The following FAM53A variants were observed in gnomAD, a reference collection of about 807,000 sequenced individuals.
FAM53A encodes the protein family with sequence similarity 53 member A, also known as protein FAM53A.
FAM53A carries 28 observed loss-of-function variants against 26.6 expected under a neutral mutation model. The observed-to-expected ratio is 1.05, with a 90% CI of 0.78 to 1.45. The LOEUF (loss-of-function observed/expected upper bound fraction) is 1.45, where lower values mean the gene tolerates loss of function less well. FAM53A is among the 40% of genes most tolerant of loss of function. The probability of loss-of-function intolerance (pLI) is 0.00; values close to 1 mark genes in which losing one functional copy is unlikely to be tolerated. For missense variants in FAM53A, 650 were observed against 575.8 expected (o/e 1.13, Z -1.32); for synonymous variants, 290 against 253.1 (o/e 1.15, Z -1.38).
chr4:1,578,695 G>A, the FAM53A span, among the ~76,000 whole-genome samples: 3 of 148,088 alleles, frequency 2.0e-5, no homozygotes, highest in South Asian at 2.2e-4. Flanking sequence ...AACGAGGCTC[G>A]GAGGAGGCAA....
At chr4:1,666,368 C>T (rs1313221117) in intron 2 of FAM53A, among the ~76,000 whole-genome samples, 2 of 146,054 alleles carry the variant, frequency 1.4e-5, no homozygotes, top group African/African-American at 5.1e-5. Flanking sequence ...TAAAATAAAA[C>T]CTGCACCTGC....
In FAM53A at chr4:1,655,034, G is replaced by A. The variant is rs762709666; in HGVS notation, c.826C>T (p.Arg276Cys). ...CGTGTCCACCTGGCGTCCTCCTCACGCCTCCGTTTGCGCCGGCTCCTCTTC... is the reference window on the plus strand; with the variant it reads ...CGTGTCCACCTGGCGTCCTCCTCACACCTCCGTTTGCGCCGGCTCCTCTTC... ...SGKRSRRKRR[R>C]EEDARWTRPS... Residue 276 changes from arginine (R) to cysteine (C), a missense_variant, in exon 4 of 5, where the codon CGT (arginine) becomes TGT (cysteine). Coordinates refer to ENST00000308132, the MANE Select transcript of FAM53A (RefSeq NM_001174070.3). The A allele has an allele frequency of 2.0e-4, 322 of 1,577,238 alleles. No individual in the cohort carries two copies. The highest frequency in any genetic ancestry group is 2.7e-4 in the Non-Finnish European group (315 of 1,161,756).
intron 4 of FAM53A, among the ~76,000 whole-genome samples, chr4:1,653,066 G>C (rs770100601): frequency 7.0e-6 from 1 of 143,670 alleles, no homozygotes; most frequent in Non-Finnish European, 1.5e-5. Flanking sequence ...ACCCATAGAC[G>C]TCACATACAC....
chr4:1,590,707 TG>T, the FAM53A span, among the ~76,000 whole-genome samples: 3 of 151,840 alleles, frequency 2.0e-5, no homozygotes, highest in Non-Finnish European at 4.4e-5. Flanking sequence ...GGCCTGTTTT[TG>T]TGAATAATAA....
intron 1 of FAM53A, among the ~76,000 whole-genome samples, chr4:1,618,727 G>A (rs1714902359): frequency 6.6e-6 from 1 of 152,154 alleles, no homozygotes; most frequent in Non-Finnish European, 1.5e-5. Context: ...AAACGTGGCT[G>A]GAGGGATGGG....
At chr4:1,618,135 G>A (rs1714875988) in intron 1 of FAM53A, 1 of 456,214 alleles carries the variant, frequency 2.2e-6, no homozygotes, top group Admixed American at 2.3e-5. Context: ...AGAGGCAGGT[G>A]AGTGCTGCCT....
Position 1,641,307 on chromosome 4 carries a change from T to C in FAM53A, c.1183A>G (p.Ile395Val), listed in dbSNP as rs150651838. 2.5e-6 allele frequency: 4 copies of C among 1,612,956 alleles called. No homozygotes were observed. The African/African-American group carries it at 5.3e-5, about 21-fold the overall frequency. The change falls in exon 5 of 5, where the codon ATC (isoleucine) becomes GTC (valine). Residue 395 changes from isoleucine to valine, a missense_variant. Coordinates refer to ENST00000308132, the MANE Select transcript of FAM53A (RefSeq NM_001174070.3). Reference sequence around the variant, plus strand: ...CCCCACCAGCCTCAGTTGTTCTCGATCTGCTCCAGGTCCAGCTCCCAGCGG... The same window carrying C: ...CCCCACCAGCCTCAGTTGTTCTCGACCTGCTCCAGGTCCAGCTCCCAGCGG... ...RARWELDLEQ[I>V]ENN
At chr4:1,654,732 C>A (rs1373124864) in intron 4 of FAM53A, among the ~76,000 whole-genome samples, 3 of 152,242 alleles carry the variant, frequency 2.0e-5, no homozygotes, top group Non-Finnish European at 4.4e-5. Flanking sequence ...TGGCCGGCCA[C>A]CCTGGGCCGT....
chr4:1,633,983 G>T (rs1014951691), intron 1 of FAM53A, among the ~76,000 whole-genome samples: 8 of 152,164 alleles, frequency 5.3e-5, no homozygotes, highest in Admixed American at 2.0e-4. Context: ...CTGTGGCTGG[G>T]GGAGCGCCCG....
chr4:1,597,724 G>C, the FAM53A span, among the ~76,000 whole-genome samples: 2 of 152,228 alleles, frequency 1.3e-5, no homozygotes, highest in Non-Finnish European at 2.9e-5. Context: ...AGCCGGGCGC[G>C]GTGGCTCACG....
rs1277183928 is a variant in FAM53A, at chr4:1,639,950, C to T, written c.*1343G>A. The T allele has an allele frequency of 1.3e-5, 2 of 152,244 alleles. No homozygotes were observed. Among genetic ancestry groups the T allele is most frequent in the African/African-American group, 4.8e-5 (2 of 41,458 alleles). 9.4% of individuals were successfully genotyped at this position (152,244 alleles called of 1,614,324 possible). A position where few individuals can be genotyped will look rare whatever the true frequency, so the allele number is the denominator to read the frequency against. On this transcript the variant is annotated 3_prime_UTR_variant, in exon 5 of 5. Coordinates refer to ENST00000308132, the MANE Select transcript of FAM53A (RefSeq NM_001174070.3). ...TTATTAAAAGTGCAAGAATGAAAAA[C>T]AGGAAATCCCTTGCCTTGTCTGGTT...
intron 1 of FAM53A, among the ~76,000 whole-genome samples, chr4:1,619,016 G>A (rs1287851295): frequency 2.0e-5 from 3 of 152,194 alleles, no homozygotes; most frequent in East Asian, 1.9e-4. Context: ...AGGGGATGCC[G>A]CAGAGCGTCC....
chr4:1,637,625 G>A (rs1262527283), downstream of FAM53A, among the ~76,000 whole-genome samples: 2 of 147,936 alleles, frequency 1.4e-5, no homozygotes, highest in African/African-American at 4.9e-5. Flanking sequence ...AGGGCTGGGG[G>A]CAGCCCGGCA....
the FAM53A span, among the ~76,000 whole-genome samples, chr4:1,604,078 T>TGGTCCAGGCAG: frequency 6.6e-6 from 1 of 152,050 alleles, no homozygotes; most frequent in African/African-American, 2.4e-5. Flanking sequence ...CATCGCGGGG[T>TGGTCCAGGCAG]GGTCCAGGCA....
the FAM53A span, among the ~76,000 whole-genome samples, chr4:1,608,341 C>A: frequency 2.0e-5 from 3 of 152,162 alleles, no homozygotes; most frequent in Admixed American, 2.0e-4. Context: ...CTGAGAGAGC[C>A]CCGTCCTGGG....
At chr4:1,683,674 G>A (rs561127060) in intron 1 of FAM53A, 1 of 152,326 alleles carries the variant, frequency 6.6e-6, no homozygotes, top group African/African-American at 2.4e-5. Flanking sequence ...AGGCACCAAG[G>A]ATGCCGCGCG....
chr4:1,621,265 G>A lies in FAM53A; in HGVS notation c.432-3154C>T, dbSNP rs372113577. 3.6e-3 allele frequency among the ~76,000 whole-genome samples: 547 copies of A among 151,992 alleles called. 7 individuals are homozygous for A. The highest frequency in any genetic ancestry group is 0.012 in the African/African-American group (518 of 41,448). ...ACTACAGGCGCCCGCCACCTCACCCGGCTAATTTTTTGTATTTTTTAGTAG... is the reference window on the plus strand; with the variant it reads ...ACTACAGGCGCCCGCCACCTCACCCAGCTAATTTTTTGTATTTTTTAGTAG... On this transcript the variant is annotated intron_variant, in intron 1 of 1. Coordinates refer to the FAM53A transcript ENST00000489029.
chr4:1,597,578 A>G, the FAM53A span, among the ~76,000 whole-genome samples: 1 of 152,056 alleles, frequency 6.6e-6, no homozygotes, highest in African/African-American at 2.4e-5. Flanking sequence ...GTGGGTCCCT[A>G]AACAGTCCCA....
chr4:1,666,276 C>G (rs78661545), intron 2 of FAM53A, among the ~76,000 whole-genome samples: 15,654 of 103,924 alleles, frequency 0.15, 2,373 homozygotes, highest in Middle Eastern at 0.33. Context: ...AAAATAAAAC[C>G]TGCACCCCCT....
Sources: allele counts gnomAD v4.1 joint callset (sites outside exome capture counted in the v4.1 genomes callset), GRCh38; gene constraint gnomAD v4.1.1; transcripts MANE v1.5; gene names NCBI Gene and HGNC (gene_info 2026-07-23, HGNC 2026-07-21).